RALGAPA1: variants seen among roughly 807,000 people sequenced by gnomAD.
RALGAPA1 encodes ral GTPase-activating protein subunit alpha-1.
In RALGAPA1, 52 loss-of-function variants were observed where a neutral mutation model predicts 269.6. The ratio of observed to expected loss-of-function variants is 0.19; its 90% CI spans 0.15 to 0.24. RALGAPA1 has a LOEUF of 0.24. Among genes scored for constraint, RALGAPA1 ranks in the 10% least tolerant of loss-of-function variants. RALGAPA1 has a pLI of 1.00. For synonymous variants in RALGAPA1, 817 were observed against 1,008.3 expected, an observed-to-expected ratio of 0.81 and a Z score of 3.60; for missense variants, 1,917 against 3,013.9, an observed-to-expected ratio of 0.64 and a Z score of 8.52.
In RALGAPA1 at chr14:35,595,627, C is replaced by A. The variant is rs1664655554; in HGVS notation, c.7209+7G>T. On this transcript the variant is annotated splice_region_variant and intron_variant, in intron 37 of 41. Coordinates refer to ENST00000680220, the MANE Select transcript of RALGAPA1 (RefSeq NM_001346249.2). ...ATTTTAATTTGAAAGCACTTCTCAG[C>A]ACTTACTTTTTTGGTCAAAGAATCA... The A allele has an allele frequency of 1.2e-6, 2 of 1,608,328 alleles. No homozygotes were observed. The highest frequency in any genetic ancestry group is 1.7e-5 in the Admixed American group (1 of 59,940).
At chr14:35,791,440 C>T (rs998177987) in intron 1 of RALGAPA1, among the ~76,000 whole-genome samples, 1 of 152,014 alleles carries the variant, frequency 6.6e-6, no homozygotes, top group Non-Finnish European at 1.5e-5. Context: ...TCCGTCTCTA[C>T]CAAAAATACA....
chr14:35,775,874 A>T, intron 1 of RALGAPA1, 129 bp from the exon 2 acceptor site: 1 of 962,002 alleles, frequency 1.0e-6, no homozygotes, highest in South Asian at 3.3e-5. Context: ...AAATATTTAC[A>T]ATATATATTT....
At chr14:35,573,283 A>ATT (rs1334383204) in intron 37 of RALGAPA1, among the ~76,000 whole-genome samples, 1 of 152,200 alleles carries the variant, frequency 6.6e-6, no homozygotes. Flanking sequence ...AAAACACAAA[A>ATT]CATTCAGAAG....
intron 7 of RALGAPA1, among the ~76,000 whole-genome samples, chr14:35,756,007 GT>G (rs978702432): frequency 1.1e-3 from 170 of 152,300 alleles, no homozygotes; most frequent in African/African-American, 3.9e-3. Flanking sequence ...GTACAAACAG[GT>G]TTAAGTGTAA....
chr14:35,694,592 A>C (rs2140510910), intron 17 of RALGAPA1, among the ~76,000 whole-genome samples: 1 of 151,572 alleles, frequency 6.6e-6, no homozygotes, highest in African/African-American at 2.4e-5. Context: ...TTTTCATTTA[A>C]ACCACTAAAA....
In RALGAPA1 at chr14:35,762,761, GA is replaced by G. The variant is rs777165508; in HGVS notation, c.326-9del. On this transcript the variant is annotated splice_polypyrimidine_tract_variant and intron_variant, in intron 4 of 41. Coordinates refer to ENST00000680220, the MANE Select transcript of RALGAPA1 (RefSeq NM_001346249.2). Reference sequence around the variant, plus strand: ...GCTTCTTTAAAATCAATCCTGAAAAGAAAATATGATTTTAAATATTCACATC... The same window carrying G: ...GCTTCTTTAAAATCAATCCTGAAAAGAAATATGATTTTAAATATTCACATC... The G allele has an allele frequency of 2.1e-6, 3 of 1,426,576 alleles. No individual in the cohort carries two copies. The highest frequency in any genetic ancestry group is 3.0e-6 in the Non-Finnish European group (3 of 1,009,746). 88.4% of individuals were successfully genotyped at this position (1,426,576 alleles called of 1,614,324 possible). A position where few individuals can be genotyped will look rare whatever the true frequency, so the allele number is the denominator to read the frequency against.
intron 4 of RALGAPA1, chr14:35,766,543 C>T (rs186931294): frequency 1.3e-5 from 13 of 974,950 alleles, no homozygotes; most frequent in African/African-American, 6.4e-5. Context: ...GAAGCAGCAT[C>T]GAGTATAGCA....
chr14:35,689,017 T>C lies in RALGAPA1; in HGVS notation c.3394A>G (p.Thr1132Ala). Residue 1132 changes from threonine to alanine, a missense_variant, in exon 18 of 42, where the codon ACA becomes GCA. Coordinates refer to ENST00000680220, the MANE Select transcript of RALGAPA1 (RefSeq NM_001346249.2). ...LSPTKRSLSE[T>A]VTHRAKIMKI... Reference sequence around the variant, plus strand: ...ATGATTTTGGCTCTATGAGTTACTGTTTCAGACAAGCTCCTTTTAGTTGGA... The same window carrying C: ...ATGATTTTGGCTCTATGAGTTACTGCTTCAGACAAGCTCCTTTTAGTTGGA... 1.6e-6 allele frequency: 2 copies of C among 1,236,674 alleles called. No homozygotes were observed. The highest frequency in any genetic ancestry group is 2.0e-6 in the Non-Finnish European group (2 of 990,598). The allele number at this position is 1,236,674 out of a possible 1,614,324, so 76.6% of individuals were successfully genotyped here. A position where few individuals can be genotyped will look rare whatever the true frequency, so the allele number is the denominator to read the frequency against.
At chr14:35,623,312 C>T (rs2060766991) in intron 35 of RALGAPA1, among the ~76,000 whole-genome samples, 2 of 151,888 alleles carry the variant, frequency 1.3e-5, no homozygotes, top group Non-Finnish European at 1.5e-5. Context: ...AAGTTAATCT[C>T]TCTCTCTCTC....
intron 11 of RALGAPA1, 73 bp from the exon 12 acceptor site, chr14:35,738,723 T>A: frequency 7.9e-7 from 1 of 1,260,402 alleles, no homozygotes; most frequent in Non-Finnish European, 1.1e-6. Context: ...GTTGAAAAGG[T>A]AAATGAAATT....
At chr14:35,553,636 ATG>A (rs758074147) in intron 39 of RALGAPA1, among the ~76,000 whole-genome samples, 1,859 of 151,864 alleles carry the variant, frequency 0.012, 16 homozygotes, top group Middle Eastern at 0.041. Flanking sequence ...AGAAATGGAA[ATG>A]TGTGTGTGTG....
chr14:35,767,776 T>A (rs895795607), intron 4 of RALGAPA1, among the ~76,000 whole-genome samples: 7 of 151,700 alleles, frequency 4.6e-5, no homozygotes, highest in African/African-American at 1.2e-4. Flanking sequence ...TTAATTAAAA[T>A]TTTTTTTTAT....
intron 36 of RALGAPA1, among the ~76,000 whole-genome samples, chr14:35,601,892 C>T (rs1229614228): frequency 1.3e-5 from 2 of 152,136 alleles, no homozygotes; most frequent in Non-Finnish European, 2.9e-5. Flanking sequence ...CAGTTAAGTG[C>T]AATCATCACT....
chr14:35,702,726 A>AAATAT (rs1555409672), intron 16 of RALGAPA1, among the ~76,000 whole-genome samples: 2 of 143,500 alleles, frequency 1.4e-5, no homozygotes, highest in African/African-American at 5.2e-5. Flanking sequence ...AAAAAAAAAA[A>AAATAT]ATATATATAT....
intron 16 of RALGAPA1, among the ~76,000 whole-genome samples, chr14:35,709,884 C>G (rs1029502203): frequency 2.1e-4 from 32 of 152,108 alleles, no homozygotes; most frequent in African/African-American, 6.5e-4. Context: ...AAATCCATTG[C>G]AGTCAGAGGG....
intron 17 of RALGAPA1, among the ~76,000 whole-genome samples, chr14:35,699,517 A>C (rs941247679): frequency 6.6e-6 from 1 of 152,202 alleles, no homozygotes; most frequent in Non-Finnish European, 1.5e-5. Context: ...CTGGGGACCA[A>C]CGACCTGAGG....
intron 9 of RALGAPA1, among the ~76,000 whole-genome samples, chr14:35,749,781 A>T (rs984698020): frequency 2.0e-5 from 3 of 152,166 alleles, no homozygotes; most frequent in African/African-American, 7.2e-5. Flanking sequence ...ATTCTGATGA[A>T]CTAAACACAC....
rs185532949 is a variant in RALGAPA1, at chr14:35,674,092, A to C, written c.4917+88T>G. 966 of 969,976 alleles carry C rather than the reference A, an allele frequency of 1.0e-3. 9 individuals carry two copies. The African/African-American group carries it at 0.013, about 13-fold the overall frequency. 60.1% of individuals were successfully genotyped at this position (969,976 alleles called of 1,614,324 possible). Reference sequence around the variant, plus strand: ...CTGGTTAAAAACTAAGTGCTCTAGAAGTCTATATAATAGCCAAAATCTCTA... The same window carrying C: ...CTGGTTAAAAACTAAGTGCTCTAGACGTCTATATAATAGCCAAAATCTCTA... On this transcript the variant is annotated intron_variant, in intron 24 of 41. Transcript: ENST00000680220.
chr14:35,762,581 C>T (rs896271890), intron 5 of RALGAPA1, 129 bp downstream of exon 5: 1 of 731,350 alleles, frequency 1.4e-6, no homozygotes, highest in Non-Finnish European at 2.5e-6. Flanking sequence ...AGGGAACTCA[C>T]TTCAATTAAA....
Sources: gnomAD v4.1 joint callset for allele counts (sites outside exome capture counted in the v4.1 genomes callset) on GRCh38, gnomAD v4.1.1 for gene constraint, MANE v1.5 for transcripts, NCBI Gene and HGNC (gene_info 2026-07-23, HGNC 2026-07-21) for gene names.